MAPKAP1: variants seen among roughly 807,000 people sequenced by gnomAD.
The protein encoded by MAPKAP1 is MAPK associated protein 1, also known as target of rapamycin complex 2 subunit MAPKAP1.
A neutral mutation model predicts 65.7 loss-of-function variants in MAPKAP1; 20 were observed. That is an observed-to-expected ratio of 0.30 (90% CI 0.21 to 0.44). The LOEUF is 0.44. MAPKAP1 is among the 20% of genes least tolerant of loss of function. MAPKAP1 has a pLI of 1.00. For synonymous variants in MAPKAP1, 222 were observed against 244.3 expected, an observed-to-expected ratio of 0.91 and a Z score of 0.85; for missense variants, 423 against 648.0, an observed-to-expected ratio of 0.65 and a Z score of 3.77.
At chr9:125,666,205 G>A (rs772829500) in intron 3 of MAPKAP1, among the ~76,000 whole-genome samples, 4 of 152,120 alleles carry the variant, frequency 2.6e-5, no homozygotes, top group Non-Finnish European at 4.4e-5. Context: ...ATATTACAAG[G>A]ATCTTACTCT....
chr9:125,554,905 A>C (rs1055229186), intron 6 of MAPKAP1, among the ~76,000 whole-genome samples: 1 of 151,960 alleles, frequency 6.6e-6, no homozygotes, highest in Non-Finnish European at 1.5e-5. Context: ...ATAATGGACG[A>C]GTAGTTAAAA....
intron 10 of MAPKAP1, among the ~76,000 whole-genome samples, chr9:125,445,856 G>C (rs1589195400): frequency 6.6e-6 from 1 of 151,998 alleles, no homozygotes; most frequent in East Asian, 1.9e-4. Context: ...GGCAAGCAAA[G>C]GAACAGTGCC....
chr9:125,456,387 T>C (rs941806104), intron 10 of MAPKAP1, among the ~76,000 whole-genome samples: 2 of 152,210 alleles, frequency 1.3e-5, no homozygotes, highest in Non-Finnish European at 2.9e-5. Context: ...TCTTCATCCA[T>C]TTTTTCTCTG....
intron 5 of MAPKAP1, among the ~76,000 whole-genome samples, chr9:125,567,154 A>G (rs13295422): frequency 0.096 from 14,554 of 152,054 alleles, 919 homozygotes; most frequent in Non-Finnish European, 0.13. Flanking sequence ...ACTTCTCTCA[A>G]TCCCCACTGT....
At chr9:125,644,009 T>C (rs1833653681) in intron 4 of MAPKAP1, among the ~76,000 whole-genome samples, 1 of 152,210 alleles carries the variant, frequency 6.6e-6, no homozygotes, top group Admixed American at 6.5e-5. Context: ...TATCAAGTCT[T>C]AAATTTAAGA....
intron 5 of MAPKAP1, among the ~76,000 whole-genome samples, chr9:125,573,283 T>C (rs1194946654): frequency 6.6e-6 from 1 of 152,118 alleles, no homozygotes; most frequent in African/African-American, 2.4e-5. Flanking sequence ...ACAAAACAGG[T>C]TGCAGTAAAG....
intron 9 of MAPKAP1, among the ~76,000 whole-genome samples, chr9:125,472,459 G>C (rs1478864202): frequency 1.3e-5 from 2 of 152,150 alleles, no homozygotes; most frequent in African/African-American, 4.8e-5. Flanking sequence ...TGGCAAATTG[G>C]AGCATGAAAT....
intron 8 of MAPKAP1, among the ~76,000 whole-genome samples, chr9:125,491,438 C>A (rs905738515): frequency 2.0e-5 from 3 of 151,834 alleles, no homozygotes; most frequent in African/African-American, 7.3e-5. Flanking sequence ...GAGACCCTGT[C>A]TCAAAAAAAT....
At chr9:125,453,049 ATTAT>A (rs749331381) in intron 10 of MAPKAP1, among the ~76,000 whole-genome samples, 3 of 152,256 alleles carry the variant, frequency 2.0e-5, no homozygotes, top group East Asian at 1.9e-4. Flanking sequence ...TAAGAGTGGC[ATTAT>A]TTATTTATTT....
chr9:125,514,223 C>T (rs1232037538), intron 7 of MAPKAP1, among the ~76,000 whole-genome samples: 1 of 152,166 alleles, frequency 6.6e-6, no homozygotes, highest in Non-Finnish European at 1.5e-5. Flanking sequence ...GTTTCCACCT[C>T]AGGGAAGGGG....
At chr9:125,613,883 C>T (rs1207858690) in intron 4 of MAPKAP1, among the ~76,000 whole-genome samples, 1 of 152,008 alleles carries the variant, frequency 6.6e-6, no homozygotes, top group East Asian at 1.9e-4. Context: ...CTGCAAGCTC[C>T]GCCTCCCAGG....
At chr9:125,526,656 G>C (rs1219466913) in intron 7 of MAPKAP1, among the ~76,000 whole-genome samples, 2 of 152,118 alleles carry the variant, frequency 1.3e-5, no homozygotes, top group Non-Finnish European at 2.9e-5. Context: ...AATAGACAAA[G>C]TCCACATAAG....
At chr9:125,515,533 C>T (rs891377380) in intron 7 of MAPKAP1, among the ~76,000 whole-genome samples, 38 of 152,140 alleles carry the variant, frequency 2.5e-4, no homozygotes, top group African/African-American at 8.7e-4. Context: ...GAGAAGGTAG[C>T]CCCCTCTGAT....
At chr9:125,526,713 GTTTTC>G (rs1023337931) in intron 7 of MAPKAP1, among the ~76,000 whole-genome samples, 31 of 151,478 alleles carry the variant, frequency 2.0e-4, no homozygotes, top group African/African-American at 6.8e-4. Context: ...AAAGTAAGAT[GTTTTC>G]TTTTAACAAA....
rs1157778497 is a variant in MAPKAP1, at chr9:125,693,662, C to CGTATACAT, written c.-70+13308_-70+13309insATGTATAC. 9.9e-5 allele frequency among the ~76,000 whole-genome samples: 14 copies of CGTATACAT among 141,910 alleles called. 1 individual carries two copies. The highest frequency in any genetic ancestry group is 3.2e-4 in the African/African-American group (12 of 37,470). 93.1% of individuals were successfully genotyped at this position (141,910 alleles called of 152,430 possible). ...ACACACATATACACGTATACATACA[C>CGTATACAT]ACACATATACACGTATATATACACG... On this transcript the variant is annotated intron_variant, in intron 1 of 11. Transcript: ENST00000265960.
chr9:125,669,951 T>G, intron 2 of MAPKAP1, 44 bp from the exon 3 acceptor site: 1 of 1,178,662 alleles, frequency 8.5e-7, no homozygotes, highest in Non-Finnish European at 1.2e-6. Flanking sequence ...AATGAAAGTT[T>G]ACCATAAACA....
Position 125,706,957 on chromosome 9 carries a change from G to A in MAPKAP1, c.-70+14C>T, listed in dbSNP as rs1588096852. 3 of 393,846 alleles carry A rather than the reference G, an allele frequency of 7.6e-6. No individual in the cohort carries two copies. The East Asian group carries it at 1.1e-4, about 14-fold the overall frequency. 24.4% of individuals were successfully genotyped at this position (393,846 alleles called of 1,614,324 possible). On this transcript the variant is annotated intron_variant, in intron 1 of 11. Transcript: ENST00000265960. ...ACGGACGGGCGGGGAGCTGGCGGCT[G>A]GGGCAACCTTTACCTGAAGCTGCTT...
chr9:125,686,435 G>A (rs1404907214), intron 1 of MAPKAP1, among the ~76,000 whole-genome samples: 1 of 152,058 alleles, frequency 6.6e-6, no homozygotes, highest in Non-Finnish European at 1.5e-5. Context: ...CTAACTACAC[G>A]GCCTTGGACA....
chr9:125,475,466 G>A (rs751030028), intron 9 of MAPKAP1, among the ~76,000 whole-genome samples: 1 of 152,192 alleles, frequency 6.6e-6, no homozygotes, highest in Non-Finnish European at 1.5e-5. Context: ...AACGGTTTGG[G>A]AACCACAGCT....
Sources: allele counts gnomAD v4.1 joint callset (sites outside exome capture counted in the v4.1 genomes callset), GRCh38; gene constraint gnomAD v4.1.1; transcripts MANE v1.5; gene names NCBI Gene and HGNC (gene_info 2026-07-23, HGNC 2026-07-21).